Variants in CLASP2 observed in about 807,000 individuals in gnomAD.
CLASP2 encodes cytoplasmic linker associated protein 2, also known as CLIP-associating protein 2.
CLASP2 carries 47 observed loss-of-function variants against 194.4 expected under a neutral mutation model. The ratio of observed to expected loss-of-function variants is 0.24; its 90% CI spans 0.19 to 0.31. The LOEUF is 0.31. Among genes scored for constraint, CLASP2 ranks in the 10% least tolerant of loss-of-function variants. CLASP2 has a pLI of 1.00. For synonymous variants in CLASP2, 619 were observed against 633.5 expected, an observed-to-expected ratio of 0.98 and a Z score of 0.34; for missense variants, 1,445 against 1,823.6, an observed-to-expected ratio of 0.79 and a Z score of 3.78.
intron 35 of CLASP2, among the ~76,000 whole-genome samples, 160 bp downstream of exon 35, chr3:33,516,821 G>A (rs1156528047): frequency 9.2e-5 from 14 of 152,096 alleles, no homozygotes; most frequent in Non-Finnish European, 1.0e-4. Flanking sequence ...TGAGCTACTT[G>A]GTTTAGAAGA....
At chr3:33,645,466 C>G in intron 7 of CLASP2, 1 of 648,712 alleles carries the variant, frequency 1.5e-6, no homozygotes, top group Non-Finnish European at 2.8e-6. Flanking sequence ...CGGCATTTTT[C>G]TTTCTCTTCC....
chr3:33,600,381 G>A (rs1318752106), intron 18 of CLASP2, among the ~76,000 whole-genome samples: 3 of 152,156 alleles, frequency 2.0e-5, no homozygotes, highest in Non-Finnish European at 4.4e-5. Context: ...GGTTGAGAAA[G>A]ATGACTTCTG....
intron 27 of CLASP2, among the ~76,000 whole-genome samples, chr3:33,562,818 C>T (rs1031314008): frequency 1.3e-5 from 2 of 152,194 alleles, no homozygotes; most frequent in South Asian, 2.1e-4. Context: ...CAGAGAATTA[C>T]ATGACCTGCC....
chr3:33,685,329 C>A (rs2090503494), intron 5 of CLASP2, among the ~76,000 whole-genome samples: 1 of 107,246 alleles, frequency 9.3e-6, no homozygotes. Flanking sequence ...GCAACAAGAG[C>A]GAAACTCCGT....
At chr3:33,688,154 A>G in intron 4 of CLASP2, 123 bp downstream of exon 4, 1 of 627,264 alleles carries the variant, frequency 1.6e-6, no homozygotes, top group Non-Finnish European at 2.6e-6. Context: ...GTATCAAATG[A>G]AGTTATATGC....
At chr3:33,670,125 C>T (rs1256913886) in intron 6 of CLASP2, among the ~76,000 whole-genome samples, 1 of 152,060 alleles carries the variant, frequency 6.6e-6, no homozygotes, top group East Asian at 1.9e-4. Context: ...TATATACACA[C>T]ACACACGTAA....
intron 7 of CLASP2, among the ~76,000 whole-genome samples, chr3:33,656,406 T>C (rs1292624276): frequency 1.3e-5 from 2 of 152,166 alleles, no homozygotes; most frequent in Admixed American, 6.5e-5. Flanking sequence ...ATGAAGGTGA[T>C]CAATCTTATC....
intron 1 of CLASP2, among the ~76,000 whole-genome samples, chr3:33,708,554 A>ATATATGTATATATG (rs2092840052): frequency 7.0e-6 from 1 of 142,496 alleles, no homozygotes; most frequent in African/African-American, 2.7e-5. Context: ...GTATATATAT[A>ATATATGTATATATG]TATATATACA....
Position 33,605,154 on chromosome 3 carries a change from G to A in CLASP2, c.1695-945C>T, listed in dbSNP as rs1577083296. Among the ~76,000 whole-genome samples, 3 of 152,220 alleles carry A rather than the reference G, an allele frequency of 2.0e-5. No individual in the cohort carries two copies. In the South Asian group the frequency reaches 6.2e-4, roughly 32 times the overall value. On this transcript the variant is annotated intron_variant, in intron 16 of 38. Transcript: ENST00000682230. ...TCAAAATATGGTCCATGAACAAACAGCATTTAGCATCACCTAGGAGCTTGC... is the reference window on the plus strand; with the variant it reads ...TCAAAATATGGTCCATGAACAAACAACATTTAGCATCACCTAGGAGCTTGC...
At chr3:33,696,731 G>A in intron 2 of CLASP2, 124 bp downstream of exon 2, 5 of 733,478 alleles carry the variant, frequency 6.8e-6, no homozygotes, top group Non-Finnish European at 9.3e-6. Context: ...CTCCCAAAGT[G>A]CTGGGATTAC....
intron 34 of CLASP2, among the ~76,000 whole-genome samples, chr3:33,518,713 C>G (rs940626091): frequency 6.6e-6 from 1 of 152,256 alleles, no homozygotes; most frequent in South Asian, 2.1e-4. Flanking sequence ...ATGCTTTTCA[C>G]GGTAGTCAGT....
chr3:33,692,263 T>C (rs936076141), intron 2 of CLASP2, among the ~76,000 whole-genome samples: 6 of 152,206 alleles, frequency 3.9e-5, no homozygotes, highest in Non-Finnish European at 8.8e-5. Context: ...TTGAGGTGTT[T>C]GAGTGTGTGT....
chr3:33,576,677 G>C (rs1576659092), intron 23 of CLASP2, among the ~76,000 whole-genome samples: 1 of 152,086 alleles, frequency 6.6e-6, no homozygotes, highest in South Asian at 2.1e-4. Context: ...GATCCATGAA[G>C]GCACACTAGA....
chr3:33,524,619 C>T (rs2054002901), intron 34 of CLASP2, among the ~76,000 whole-genome samples: 1 of 147,366 alleles, frequency 6.8e-6, no homozygotes. Flanking sequence ...TCACTGCATT[C>T]CAGCCTGGGC....
chr3:33,514,928 G>A (rs111532831), intron 36 of CLASP2, among the ~76,000 whole-genome samples: 5 of 152,246 alleles, frequency 3.3e-5, no homozygotes, highest in South Asian at 2.1e-4. Flanking sequence ...CAGCAACCTG[G>A]ATGGAATTGG....
intron 7 of CLASP2, among the ~76,000 whole-genome samples, chr3:33,645,975 C>CAA (rs1359807595): frequency 3.0e-4 from 41 of 136,710 alleles, no homozygotes; most frequent in Middle Eastern, 3.7e-3. Context: ...CACACACACA[C>CAA]AATGTATTTT....
intron 21 of CLASP2, chr3:33,592,119 T>C (rs1422291305): frequency 5.8e-6 from 4 of 689,766 alleles, no homozygotes; most frequent in Non-Finnish European, 1.1e-5. Context: ...ATATCAATGA[T>C]GCAGCCCTAA....
intron 33 of CLASP2, among the ~76,000 whole-genome samples, chr3:33,537,242 T>A (rs961235217): frequency 9.2e-5 from 14 of 152,264 alleles, no homozygotes; most frequent in African/African-American, 3.4e-4. Flanking sequence ...TACTAATCTG[T>A]TATTGCTACC....
At chr3:33,695,484 C>G (rs2091792975) in intron 2 of CLASP2, among the ~76,000 whole-genome samples, 1 of 151,656 alleles carries the variant, frequency 6.6e-6, no homozygotes, top group African/African-American at 2.4e-5. Context: ...AGATAGGAAA[C>G]CCCATCAGAT....
Sources: gnomAD v4.1 joint callset for allele counts (sites outside exome capture counted in the v4.1 genomes callset) on GRCh38, gnomAD v4.1.1 for gene constraint, MANE v1.5 for transcripts, NCBI Gene and HGNC (gene_info 2026-07-23, HGNC 2026-07-21) for gene names.